SYNE2: variants seen among roughly 807,000 people sequenced by gnomAD.
SYNE2 encodes nesprin-2.
A neutral mutation model predicts 856.3 loss-of-function variants in SYNE2; 431 were observed. The ratio of observed to expected loss-of-function variants is 0.50; its 90% CI spans 0.47 to 0.55. SYNE2 has a LOEUF of 0.55. Among genes scored for constraint, SYNE2 ranks in the 20% least tolerant of loss-of-function variants. SYNE2 has a pLI of 0.00. For synonymous variants in SYNE2, 2,923 were observed against 2,872.3 expected, an observed-to-expected ratio of 1.02 and a Z score of -0.56; for missense variants, 8,129 against 8,023.2, an observed-to-expected ratio of 1.01 and a Z score of -0.50.
At position 64,004,448 on chromosome 14, in the gene SYNE2, AG is replaced by A. The variant is rs1173522477; in HGVS notation, c.4397+1119del. On this transcript the variant is annotated intron_variant, in intron 30 of 115. Transcript: ENST00000555002. ...CAGGTTTAGGCGATTCTTCTACCTC[AG>A]CCCCCCAGTAGCTGGGATTACAGGC... Among the ~76,000 whole-genome samples, 4 of 150,266 alleles carry A rather than the reference AG, an allele frequency of 2.7e-5. No homozygotes were observed. In the South Asian group the frequency reaches 8.4e-4, roughly 32 times the overall value.
intron 82 of SYNE2, among the ~76,000 whole-genome samples, chr14:64,142,757 A>T (rs2098149528): frequency 6.6e-6 from 1 of 152,196 alleles, no homozygotes; most frequent in African/African-American, 2.4e-5. Flanking sequence ...TGTTAATGAA[A>T]TGTTCTTTGA....
chr14:63,828,899 T>C (rs1242501677), intron 1 of SYNE2, among the ~76,000 whole-genome samples: 1 of 152,032 alleles, frequency 6.6e-6, no homozygotes, highest in African/African-American at 2.4e-5. Flanking sequence ...GGGAAGACTA[T>C]GTAAGTAGCC....
At chr14:63,908,978 G>A in intron 1 of SYNE2, 120 bp from the exon 2 acceptor site, 1 of 649,120 alleles carries the variant, frequency 1.5e-6, no homozygotes, top group Admixed American at 2.1e-5. Flanking sequence ...GAAGCACATA[G>A]TAGAAAGCCA....
At chr14:64,069,297 GA>G (rs11289745) in intron 51 of SYNE2, among the ~76,000 whole-genome samples, 135,993 of 152,178 alleles carry the variant, frequency 0.89, 61,021 homozygotes, top group Non-Finnish European at 0.94. Flanking sequence ...TGATACAATG[GA>G]AACCCTTATC....
At chr14:63,854,059 A>G (rs1174890426) in intron 1 of SYNE2, among the ~76,000 whole-genome samples, 3 of 151,840 alleles carry the variant, frequency 2.0e-5, no homozygotes, top group Admixed American at 2.0e-4. Context: ...CCTCCGTGAA[A>G]GGGAGCGTCT....
intron 64 of SYNE2, among the ~76,000 whole-genome samples, chr14:64,104,446 C>CTTTT (rs34102150): frequency 7.6e-5 from 9 of 118,778 alleles, no homozygotes; most frequent in Non-Finnish European, 1.2e-4. Context: ...CCTGTTTTCT[C>CTTTT]TTTTTTTTTT....
At chr14:64,020,730 G>C (rs773493652) in intron 35 of SYNE2, among the ~76,000 whole-genome samples, 1 of 152,200 alleles carries the variant, frequency 6.6e-6, no homozygotes, top group Non-Finnish European at 1.5e-5. Flanking sequence ...GAGAAAGAGA[G>C]AGATTGCCCC....
intron 68 of SYNE2, among the ~76,000 whole-genome samples, chr14:64,121,708 T>C (rs1005115628): frequency 6.6e-6 from 1 of 152,248 alleles, no homozygotes; most frequent in Non-Finnish European, 1.5e-5. Context: ...ACTTACATCT[T>C]ATATCAGCTG....
chr14:64,195,587 C>T lies in SYNE2; in HGVS notation c.18038+5350C>T, dbSNP rs561156934. 3.3e-5 allele frequency among the ~76,000 whole-genome samples: 5 copies of T among 152,352 alleles called. No individual in the cohort carries two copies. In the Middle Eastern group the frequency reaches 0.014, roughly 415 times the overall value. ...ATTTTGCCTACCAACCTGAAAAGCT[C>T]ACCTACTTTATAGTAGTGGCAATTA... is the stretch of plus-strand genomic sequence containing the variant. On this transcript the variant is annotated intron_variant, in intron 99 of 115. Transcript: ENST00000555002.
chr14:63,961,600 C>T lies in SYNE2; in HGVS notation c.863C>T (p.Ala288Val), dbSNP rs755793729. ...CAGTTTCTGCAGTATTCCAAAGATG[C>T]CCCTGGGACTGGAGAGGAGGCTCAG... Reference protein sequence around the residue: ...VAQFLQYSKDAPGTGEEAQGK... With the variant: ...VAQFLQYSKDVPGTGEEAQGK... Residue 288 changes from alanine (A) to valine (V), a missense_variant, in exon 9 of 116, where the codon GCC becomes GTC. Physicochemically the swap from Ala to Val is moderately conservative, Grantham distance 64 (BLOSUM62 0). Around this residue, in one of 3 missense-constraint regions of SYNE2, gnomAD observed 2,422 missense variants for 2,357.4 expected, o/e 1.03. Coordinates refer to ENST00000555002, the MANE Select transcript of SYNE2 (RefSeq NM_182914.3). The T allele has an allele frequency of 6.2e-7, 1 of 1,613,746 alleles. No individual in the cohort carries two copies. The highest frequency in any genetic ancestry group is 1.1e-5 in the South Asian group (1 of 91,054).
At chr14:64,139,689 A>C (rs932219989) in intron 79 of SYNE2, among the ~76,000 whole-genome samples, 3 of 152,162 alleles carry the variant, frequency 2.0e-5, no homozygotes, top group African/African-American at 7.2e-5. Context: ...CTGGGATTAC[A>C]GGCATGAGCC....
chr14:64,224,744 T>C (rs926006400), intron 114 of SYNE2, among the ~76,000 whole-genome samples, 197 bp downstream of exon 114: 52 of 152,106 alleles, frequency 3.4e-4, no homozygotes, highest in Non-Finnish European at 5.9e-4. Context: ...AGAGCTCTTA[T>C]AGTGTCGCTA....
intron 45 of SYNE2, among the ~76,000 whole-genome samples, chr14:64,047,437 A>T (rs2153570813): frequency 6.6e-6 from 1 of 152,328 alleles, no homozygotes; most frequent in East Asian, 1.9e-4. Flanking sequence ...AAGTGTGCCA[A>T]ACAGGAGGAC....
chr14:63,771,452 A>G (rs1207350060), intron 1 of SYNE2, among the ~76,000 whole-genome samples: 1 of 152,164 alleles, frequency 6.6e-6, no homozygotes, highest in African/African-American at 2.4e-5. Flanking sequence ...TGAAAATGTC[A>G]TTTCTAATCC....
At chr14:64,164,863 T>G (rs1290768275) in intron 89 of SYNE2, among the ~76,000 whole-genome samples, 1 of 140,976 alleles carries the variant, frequency 7.1e-6, no homozygotes, top group African/African-American at 2.7e-5. Context: ...TTTTTTTTAT[T>G]TTTTGTTTTT....
At chr14:64,134,375 A>T (rs2098061236) in intron 78 of SYNE2, among the ~76,000 whole-genome samples, 175 bp downstream of exon 78, 1 of 152,206 alleles carries the variant, frequency 6.6e-6, no homozygotes, top group Non-Finnish European at 1.5e-5. Flanking sequence ...ACTCCTTAGC[A>T]TAACCACATG....
chr14:64,165,389 A>G lies in SYNE2; in HGVS notation c.16584A>G (p.Lys5528=). The part of the protein sequence containing the change: ...ENLDRLHQQE[K]ENPDSFLNHV... ...TGGATAGACTTCACCAACAGGAAAA[A>G]GAAAATCCTGACTCATTCCTGGTAT... The change falls in exon 90 of 116, where the codon AAA becomes AAG. Residue 5528 remains lysine, a synonymous_variant. Coordinates refer to ENST00000555002, the MANE Select transcript of SYNE2 (RefSeq NM_182914.3). The G allele has an allele frequency of 6.2e-7, 1 of 1,613,992 alleles. No individual in the cohort carries two copies. Among genetic ancestry groups the G allele is most frequent in the East Asian group, 2.2e-5 (1 of 44,870 alleles).
At chr14:64,221,754 C>CAG in intron 112 of SYNE2, 50 bp downstream of exon 112, 1 of 1,602,408 alleles carries the variant, frequency 6.2e-7, no homozygotes, top group African/African-American at 1.3e-5. Flanking sequence ...CTGTCAGCCC[C>CAG]AGAGAGGCAG....
chr14:64,020,450 T>A (rs2096927992), intron 35 of SYNE2, among the ~76,000 whole-genome samples: 1 of 152,230 alleles, frequency 6.6e-6, no homozygotes, highest in South Asian at 2.1e-4. Flanking sequence ...AAAATAAAAT[T>A]AGGATCATTT....
Sources: gnomAD v4.1 joint callset for allele counts (sites outside exome capture counted in the v4.1 genomes callset) on GRCh38, gnomAD v4.1.1 for gene constraint, gnomAD v4.1.1 regional missense constraint, MANE v1.5 for transcripts, NCBI Gene and HGNC (gene_info 2026-07-23, HGNC 2026-07-21) for gene names.